The following MARK4 variants were observed in gnomAD, a reference collection of about 807,000 sequenced individuals.
MARK4 encodes the protein microtubule affinity regulating kinase 4.
Under a neutral mutation model 81.5 loss-of-function variants are expected in MARK4, and 19 were observed. That is an observed-to-expected ratio of 0.23 (90% CI 0.16 to 0.34). The LOEUF is 0.34. MARK4 is among the 10% of genes least tolerant of loss of function. The probability of loss-of-function intolerance (pLI) is 1.00; values close to 1 mark genes in which losing one functional copy is unlikely to be tolerated. For synonymous variants in MARK4, 436 were observed against 439.0 expected, an observed-to-expected ratio of 0.99 and a Z score of 0.08; for missense variants, 772 against 1,058.8, an observed-to-expected ratio of 0.73 and a Z score of 3.76.
chr19:45,260,828 G>A (rs1387727141), intron 2 of MARK4, among the ~76,000 whole-genome samples: 1 of 152,136 alleles, frequency 6.6e-6, no homozygotes, highest in African/African-American at 2.4e-5. Flanking sequence ...AACACAGCAG[G>A]TTTATTTATG....
At chr19:45,265,378 G>A (rs550426312) in intron 6 of MARK4, among the ~76,000 whole-genome samples, 1 of 151,984 alleles carries the variant, frequency 6.6e-6, no homozygotes, top group African/African-American at 2.4e-5. Flanking sequence ...GCTGAGGGGT[G>A]GTTGTGTAAG....
rs570337300 is a variant in MARK4, at chr19:45,300,270, G to A, written c.1922+415G>A. ...TGAGGCAGGAGAATCGCTTGAACCC[G>A]GGAGGCAGAGGTTGCGGTGAGCTGG... On this transcript the variant is annotated intron_variant, in intron 16 of 16. Coordinates refer to ENST00000262891, the MANE Select transcript of MARK4 (RefSeq NM_001199867.2). Among the ~76,000 whole-genome samples, 14 of 146,742 alleles carry A rather than the reference G, an allele frequency of 9.5e-5. No individual in the cohort carries two copies. In the East Asian group the frequency reaches 2.3e-3, roughly 24 times the overall value.
chr19:45,304,254 G>C lies in MARK4; in HGVS notation c.*1544G>C, dbSNP rs1013825018. 1.3e-5 allele frequency: 2 copies of C among 152,224 alleles called. No homozygotes were observed. The highest frequency in any genetic ancestry group is 2.9e-5 in the Non-Finnish European group (2 of 68,064). 9.4% of individuals were successfully genotyped at this position (152,224 alleles called of 1,614,324 possible). A position where few individuals can be genotyped will look rare whatever the true frequency, so the allele number is the denominator to read the frequency against. ...TCCCTCCAGCTTTCTGCAGCAGAAA[G>C]ACCCTCATTGTCAGTTTCCCAGCAA... On this transcript the variant is annotated 3_prime_UTR_variant, in exon 17 of 17. Transcript: ENST00000262891.
At chr19:45,263,719 G>A (rs571507861) in intron 4 of MARK4, among the ~76,000 whole-genome samples, 41 of 149,214 alleles carry the variant, frequency 2.7e-4, no homozygotes, top group African/African-American at 8.2e-4. Context: ...CCCAGCCTGG[G>A]CAATAAAGCG....
At chr19:45,266,949 G>C (rs1374727086) in intron 7 of MARK4, among the ~76,000 whole-genome samples, 1 of 151,968 alleles carries the variant, frequency 6.6e-6, no homozygotes, top group Middle Eastern at 3.4e-3. Context: ...AGCCAGGATG[G>C]TCTCGATCTC....
At chr19:45,259,232 G>A (rs778466240) in intron 2 of MARK4, 43 bp downstream of exon 2, 5 of 1,602,678 alleles carry the variant, frequency 3.1e-6, no homozygotes, top group Non-Finnish European at 4.3e-6. Context: ...GGTCCCTGTG[G>A]GACCAGGTCT....
chr19:45,296,098 TAAGTC>T (rs1970883258), intron 14 of MARK4, among the ~76,000 whole-genome samples: 1 of 152,264 alleles, frequency 6.6e-6, no homozygotes, highest in African/African-American at 2.4e-5. Context: ...ACACAGCTGG[TAAGTC>T]AAGAAGCAGA....
At chr19:45,296,611 A>G (rs901153786) in intron 14 of MARK4, among the ~76,000 whole-genome samples, 1 of 152,256 alleles carries the variant, frequency 6.6e-6, no homozygotes, top group African/African-American at 2.4e-5. Flanking sequence ...CTGGGTGGCC[A>G]TGTGCAGTGC....
chr19:45,293,239 C>A (rs992218507), intron 13 of MARK4, among the ~76,000 whole-genome samples: 3 of 152,066 alleles, frequency 2.0e-5, no homozygotes, highest in Non-Finnish European at 4.4e-5. Context: ...GCACTCCAGC[C>A]TGGGCAAAAT....
At position 45,251,454 on chromosome 19, in the gene MARK4, G is replaced by A. The variant is rs1970238089; in HGVS notation, c.-135G>A. 2.7e-6 allele frequency: 1 copy of A among 368,238 alleles called. No individual in the cohort carries two copies. Among genetic ancestry groups the A allele is most frequent in the Non-Finnish European group, 4.9e-6 (1 of 204,358 alleles). 22.8% of individuals were successfully genotyped at this position (368,238 alleles called of 1,614,324 possible). On this transcript the variant is annotated 5_prime_UTR_variant, in exon 1 of 17. Coordinates refer to ENST00000262891, the MANE Select transcript of MARK4 (RefSeq NM_001199867.2). ...CCCGCCCTGCCCCCTCTCCCGCCGC[G>A]CGGACCCGGGCGTTCTCGGCGCCCA...
intron 1 of MARK4, among the ~76,000 whole-genome samples, chr19:45,257,375 TTC>T (rs1286674354): frequency 1.4e-5 from 2 of 144,740 alleles, no homozygotes; most frequent in Non-Finnish European, 3.0e-5. Context: ...AACACAATTT[TTC>T]TTTCTCTTTT....
rs1162670059 is a variant in MARK4, at chr19:45,303,187, C to G, written c.*477C>G. 5.4e-6 allele frequency: 1 copy of G among 183,976 alleles called. No individual in the cohort carries two copies. Among genetic ancestry groups the G allele is most frequent in the Non-Finnish European group, 1.1e-5 (1 of 87,950 alleles). 11.4% of individuals were successfully genotyped at this position (183,976 alleles called of 1,614,324 possible). ...TCAAACCCCCACTTCCTGCCCCAGG[C>G]TGGCGCGGGGCACTTTGTACAAATC... On this transcript the variant is annotated 3_prime_UTR_variant, in exon 17 of 17. Transcript: ENST00000262891.
intron 1 of MARK4, among the ~76,000 whole-genome samples, chr19:45,257,584 G>C (rs531273378): frequency 1.3e-5 from 2 of 151,632 alleles, no homozygotes; most frequent in Admixed American, 6.6e-5. Flanking sequence ...GGGTTTCCCC[G>C]TGTTGGCCAG....
At chr19:45,288,539 T>A (rs1281479240) in intron 13 of MARK4, 26 of 108,298 alleles carry the variant, frequency 2.4e-4, no homozygotes, top group African/African-American at 7.6e-4. Context: ...GGTGACAGAG[T>A]GAGACTCCAT....
chr19:45,265,853 G>A (rs960298160), intron 6 of MARK4, among the ~76,000 whole-genome samples: 2 of 151,958 alleles, frequency 1.3e-5, no homozygotes, highest in African/African-American at 4.8e-5. Flanking sequence ...AGATGTGCAG[G>A]TGTGAGGGTG....
At chr19:45,274,081 C>T (rs1436469749) in intron 8 of MARK4, among the ~76,000 whole-genome samples, 2 of 152,060 alleles carry the variant, frequency 1.3e-5, no homozygotes, top group Admixed American at 1.3e-4. Context: ...AACCCCGTCT[C>T]TTCTAAAAAT....
rs565527167 is a variant in MARK4 at position 45,275,429 on chromosome 19, G to A, written c.787-2494G>A. Among the ~76,000 whole-genome samples, 75 of 151,916 alleles carry A rather than the reference G, an allele frequency of 4.9e-4. 1 individual carries two copies. Among genetic ancestry groups the A allele is most frequent in the Admixed American group, 4.8e-3 (73 of 15,212 alleles). On this transcript the variant is annotated intron_variant, in intron 8 of 16. Transcript: ENST00000262891. ...GAGCCCAGGAGTTCCAGGCTACAGC[G>A]AACTATGATCACGCCACTGCACTCC... is the stretch of plus-strand genomic sequence containing the variant.
intron 12 of MARK4, among the ~76,000 whole-genome samples, chr19:45,285,892 T>C (rs1440823457): frequency 1.3e-5 from 2 of 152,166 alleles, no homozygotes; most frequent in African/African-American, 4.8e-5. Flanking sequence ...CCTAAGATGT[T>C]CCTAGAGACC....
chr19:45,303,390 C>T lies in MARK4; in HGVS notation c.*680C>T, dbSNP rs919407424. On this transcript the variant is annotated 3_prime_UTR_variant, in exon 17 of 17. Coordinates refer to ENST00000262891, the MANE Select transcript of MARK4 (RefSeq NM_001199867.2). Reference sequence around the variant, plus strand: ...TCCCCAATGCTGACCCTAGGATTTTCCTTCCCTGCCCTCACCTGCAAATGA... The same window carrying T: ...TCCCCAATGCTGACCCTAGGATTTTTCTTCCCTGCCCTCACCTGCAAATGA... 6 of 152,446 alleles carry T rather than the reference C, an allele frequency of 3.9e-5. No homozygotes were observed. Among genetic ancestry groups the T allele is most frequent in the Admixed American group, 1.3e-4 (2 of 15,276 alleles). 9.4% of individuals were successfully genotyped at this position (152,446 alleles called of 1,614,324 possible).
Sources: allele counts gnomAD v4.1 joint callset (sites outside exome capture counted in the v4.1 genomes callset), GRCh38; gene constraint gnomAD v4.1.1; transcripts MANE v1.5; gene names NCBI Gene and HGNC (gene_info 2026-07-23, HGNC 2026-07-21).